The following CACNA1E variants were observed in gnomAD, a reference collection of about 807,000 sequenced individuals.
CACNA1E encodes voltage-dependent R-type calcium channel subunit alpha-1E.
A neutral mutation model predicts 259.2 loss-of-function variants in CACNA1E; 40 were observed. That is an observed-to-expected ratio of 0.15 (90% CI 0.12 to 0.20). The LOEUF is 0.20. Among genes scored for constraint, CACNA1E ranks in the 10% least tolerant of loss-of-function variants. The pLI is 1.00. For synonymous variants in CACNA1E, 1,104 were observed against 1,138.5 expected, an observed-to-expected ratio of 0.97 and a Z score of 0.61; for missense variants, 1,874 against 3,040.1, an observed-to-expected ratio of 0.62 and a Z score of 9.02.
At position 181,739,155 on chromosome 1, in the gene CACNA1E, C is replaced by T. The variant is rs1656331468; in HGVS notation, c.3621C>T (p.Asp1207=). The part of the protein sequence containing the change: ...FTFEMVIKMI[D]QGLILQDGSY... ...TTCATATCCTTCTGCAGATGATAGA[C>T]CAAGGCTTGATCCTGCAGGATGGGT... The change falls in exon 25 of 48, where the codon GAC becomes GAT. Residue 1207 remains aspartate, a synonymous_variant. Transcript: ENST00000367573. The T allele has an allele frequency of 4.4e-6, 7 of 1,608,046 alleles. No homozygotes were observed. Among genetic ancestry groups the T allele is most frequent in the Non-Finnish European group, 6.0e-6 (7 of 1,174,580 alleles).
At chr1:181,438,648 C>T (rs1198360058) in intron 2 of CACNA1E, among the ~76,000 whole-genome samples, 4 of 151,900 alleles carry the variant, frequency 2.6e-5, no homozygotes, top group Non-Finnish European at 4.4e-5. Flanking sequence ...TTATTTATAC[C>T]CATGAGAATG....
chr1:181,750,622 A>T (rs565731032), intron 26 of CACNA1E, 135 bp downstream of exon 26: 118 of 782,170 alleles, frequency 1.5e-4, no homozygotes, highest in Non-Finnish European at 2.4e-4. Context: ...CAAGGGATCA[A>T]AATTAGGAGT....
At chr1:181,542,453 C>T (rs528488779) in intron 3 of CACNA1E, among the ~76,000 whole-genome samples, 2 of 152,222 alleles carry the variant, frequency 1.3e-5, no homozygotes, top group African/African-American at 4.8e-5. Context: ...ATTGTAATCT[C>T]CACAGTCCCC....
intron 1 of CACNA1E, among the ~76,000 whole-genome samples, chr1:181,321,832 A>G (rs1474804224): frequency 6.6e-6 from 1 of 152,210 alleles, no homozygotes; most frequent in Non-Finnish European, 1.5e-5. Context: ...CTAAGAAGCC[A>G]TGTGACCTTG....
intron 1 of CACNA1E, among the ~76,000 whole-genome samples, chr1:181,336,502 A>G (rs35651317): frequency 0.1 from 15,852 of 152,210 alleles, 1,111 homozygotes; most frequent in Middle Eastern, 0.19. Flanking sequence ...TGACTTTAGA[A>G]TTCGTACTCT....
chr1:181,421,073 C>G (rs1354457227), intron 2 of CACNA1E, among the ~76,000 whole-genome samples: 1 of 152,154 alleles, frequency 6.6e-6, no homozygotes, highest in African/African-American at 2.4e-5. Context: ...GTTAAGTTAC[C>G]TGCCCAGTAT....
At chr1:181,543,045 C>G (rs2102793298) in intron 3 of CACNA1E, among the ~76,000 whole-genome samples, 1 of 151,878 alleles carries the variant, frequency 6.6e-6, no homozygotes, top group East Asian at 1.9e-4. Flanking sequence ...TTTTTAAAGT[C>G]AAATGTCACA....
intron 18 of CACNA1E, 27 bp from the exon 19 acceptor site, chr1:181,731,148 C>A: frequency 6.2e-7 from 1 of 1,605,572 alleles, no homozygotes; most frequent in Non-Finnish European, 8.5e-7. Flanking sequence ...TTGGGGTGAA[C>A]TGAACCTGTC....
chr1:181,708,022 T>C (rs905330235), intron 7 of CACNA1E, among the ~76,000 whole-genome samples: 1 of 152,096 alleles, frequency 6.6e-6, no homozygotes, highest in Non-Finnish European at 1.5e-5. Flanking sequence ...AGAGGCAACA[T>C]TTCAGCCTGG....
At chr1:181,593,315 T>C (rs1472786948) in intron 6 of CACNA1E, among the ~76,000 whole-genome samples, 1 of 152,190 alleles carries the variant, frequency 6.6e-6, no homozygotes, top group Non-Finnish European at 1.5e-5. Context: ...TCCTAACATA[T>C]TTTCTGTCTC....
chr1:181,511,178 C>A (rs1666133143), intron 2 of CACNA1E, among the ~76,000 whole-genome samples, 193 bp from the exon 3 acceptor site: 1 of 152,170 alleles, frequency 6.6e-6, no homozygotes, highest in Non-Finnish European at 1.5e-5. Context: ...ACAGCTGGCT[C>A]CCCTGGGTCT....
intron 1 of CACNA1E, among the ~76,000 whole-genome samples, chr1:181,494,217 G>A (rs554925138): frequency 2.0e-4 from 30 of 152,290 alleles, no homozygotes; most frequent in Non-Finnish European, 3.2e-4. Flanking sequence ...ATCCCTGCAA[G>A]GGAGGGGGGA....
chr1:181,721,880 C>A lies in CACNA1E; in HGVS notation c.2074+5C>A. 6.4e-7 allele frequency: 1 copy of A among 1,571,458 alleles called. No individual in the cohort carries two copies. Among genetic ancestry groups the A allele is most frequent in the South Asian group, 1.1e-5 (1 of 90,276 alleles). On this transcript the variant is annotated splice_donor_5th_base_variant and intron_variant, in intron 16 of 47. Coordinates refer to ENST00000367573, the MANE Select transcript of CACNA1E (RefSeq NM_001205293.3). ...TGCTCACCTTGTTTGGCAACTGTAT[C>A]CTTTTTAAGATGCACCTCCTCAAGC...
At chr1:181,376,668 A>G (rs1343439630) in intron 1 of CACNA1E, among the ~76,000 whole-genome samples, 3 of 151,982 alleles carry the variant, frequency 2.0e-5, no homozygotes, top group Non-Finnish European at 4.4e-5. Context: ...AACTGGTTTT[A>G]GTTTTTTGAC....
At chr1:181,644,778 A>G (rs892735534) in intron 6 of CACNA1E, among the ~76,000 whole-genome samples, 28 of 152,210 alleles carry the variant, frequency 1.8e-4, no homozygotes, top group African/African-American at 5.8e-4. Flanking sequence ...GCCTGGTTCC[A>G]TGGGCAGCCC....
chr1:181,391,842 A>G (rs902754452), intron 1 of CACNA1E, among the ~76,000 whole-genome samples: 1 of 152,120 alleles, frequency 6.6e-6, no homozygotes, highest in Non-Finnish European at 1.5e-5. Flanking sequence ...TGTCTGTCAG[A>G]AAGTACCATA....
Position 181,367,663 on chromosome 1 carries a change from A to C in CACNA1E, c.-14-45470A>C, listed in dbSNP as rs546125704. The stretch of plus-strand genomic sequence containing the variant: ...AAATTATTACTAATGAATAACTTCT[A>C]ATTATAACTTTAATTAGATATTAAA... On this transcript the variant is annotated intron_variant, in intron 1 of 11. Coordinates refer to the CACNA1E transcript ENST00000524607. Among the ~76,000 whole-genome samples the C allele has an allele frequency of 1.7e-3, 255 of 149,964 alleles. 1 individual carries two copies. The highest frequency in any genetic ancestry group is 6.0e-3 in the African/African-American group (248 of 41,172).
intron 2 of CACNA1E, among the ~76,000 whole-genome samples, chr1:181,416,729 A>G (rs899834566): frequency 6.6e-6 from 1 of 152,080 alleles, no homozygotes; most frequent in African/African-American, 2.4e-5. Context: ...TTGCTTCCAG[A>G]CCATTACTCC....
chr1:181,443,496 C>T (rs988668579), intron 2 of CACNA1E, among the ~76,000 whole-genome samples: 1 of 152,158 alleles, frequency 6.6e-6, no homozygotes, highest in African/African-American at 2.4e-5. Context: ...TATTTTGAGG[C>T]CTGGTATTCT....
Sources: gnomAD v4.1 joint callset for allele counts (sites outside exome capture counted in the v4.1 genomes callset) on GRCh38, gnomAD v4.1.1 for gene constraint, MANE v1.5 for transcripts, NCBI Gene and HGNC (gene_info 2026-07-23, HGNC 2026-07-21) for gene names.